MGAT4C: variants seen among roughly 807,000 people sequenced by gnomAD.
MGAT4C encodes the protein alpha-1,3-mannosyl-glycoprotein 4-beta-N-acetylglucosaminyltransferase C.
MGAT4C carries 19 observed loss-of-function variants against 40.1 expected under a neutral mutation model. The observed-to-expected ratio is 0.47, with a 90% CI of 0.33 to 0.70. MGAT4C has a LOEUF of 0.70. Ranked by LOEUF, MGAT4C falls within the 30% of genes least tolerant of loss-of-function variation. MGAT4C has a pLI of 0.02. For missense variants in MGAT4C, 491 were observed against 563.2 expected (o/e 0.87, Z 1.30); for synonymous variants, 181 against 187.1 (o/e 0.97, Z 0.27).
intron 2 of MGAT4C, among the ~76,000 whole-genome samples, chr12:86,535,647 C>A (rs549971740): frequency 6.6e-6 from 1 of 152,054 alleles, no homozygotes; most frequent in Non-Finnish European, 1.5e-5. Flanking sequence ...CCTCCTTCAA[C>A]AGGACTTTTA....
intron 1 of MGAT4C, among the ~76,000 whole-genome samples, chr12:86,184,635 T>C (rs1332889469): frequency 1.2e-5 from 1 of 83,760 alleles, no homozygotes; most frequent in Non-Finnish European, 2.9e-5. Flanking sequence ...TTCTTTTTTT[T>C]TCTCTTCCTT....
intron 1 of MGAT4C, among the ~76,000 whole-genome samples, chr12:86,774,301 TTC>T (rs759337667): frequency 0.016 from 419 of 26,306 alleles, 7 homozygotes; most frequent in South Asian, 0.033. Flanking sequence ...CTTTCTTTCT[TTC>T]TTTCTTTCTT....
chr12:86,737,943 C>A (rs900358653), intron 1 of MGAT4C, among the ~76,000 whole-genome samples: 5 of 151,464 alleles, frequency 3.3e-5, no homozygotes, highest in African/African-American at 1.2e-4. Context: ...ACTTTTTAGT[C>A]TATTTTAAAA....
chr12:86,211,406 C>CAAAAAAAAAAAAAA (rs58874795), intron 1 of MGAT4C, among the ~76,000 whole-genome samples: 8 of 35,516 alleles, frequency 2.3e-4, no homozygotes, highest in Admixed American at 4.3e-4. Context: ...ACTACAAATA[C>CAAAAAAAAAAAAAA]AAAAAAAAAA....
chr12:86,008,837 AT>A (rs1424506674), intron 2 of MGAT4C, among the ~76,000 whole-genome samples: 1 of 151,892 alleles, frequency 6.6e-6, no homozygotes, highest in Non-Finnish European at 1.5e-5. Flanking sequence ...TTTGTCAAAT[AT>A]TTTTTCTCCA....
chr12:86,623,150 G>A (rs190874979), intron 2 of MGAT4C, among the ~76,000 whole-genome samples: 2 of 152,050 alleles, frequency 1.3e-5, no homozygotes, highest in Admixed American at 6.6e-5. Context: ...TGAAGAAGGG[G>A]AAAGCAGAAA....
At chr12:86,485,864 G>A (rs1022796974) in intron 2 of MGAT4C, among the ~76,000 whole-genome samples, 1 of 152,028 alleles carries the variant, frequency 6.6e-6, no homozygotes, top group Non-Finnish European at 1.5e-5. Flanking sequence ...ATCACATCAG[G>A]ATAGCAGTGA....
chr12:86,191,085 A>G (rs1300184458), intron 1 of MGAT4C, among the ~76,000 whole-genome samples: 1 of 840 alleles, frequency 1.2e-3, no homozygotes, highest in Non-Finnish European at 2.7e-3. Context: ...CTCTCTCTGC[A>G]CACACACACA....
intron 1 of MGAT4C, among the ~76,000 whole-genome samples, chr12:86,748,530 G>A (rs1195309564): frequency 6.6e-6 from 1 of 151,692 alleles, no homozygotes; most frequent in Admixed American, 6.6e-5. Context: ...GAGGTCAAGA[G>A]CCATGTATAA....
At chr12:86,277,752 A>G (rs1274937778) in intron 4 of MGAT4C, among the ~76,000 whole-genome samples, 2 of 152,024 alleles carry the variant, frequency 1.3e-5, no homozygotes, top group Non-Finnish European at 2.9e-5. Flanking sequence ...CCATTGGTCT[A>G]TGTGTCTTTT....
At chr12:86,086,490 C>T (rs1370779691) in intron 1 of MGAT4C, among the ~76,000 whole-genome samples, 1 of 151,968 alleles carries the variant, frequency 6.6e-6, no homozygotes, top group African/African-American at 2.4e-5. Flanking sequence ...ACCTATGTAA[C>T]AAACCTGCAC....
At chr12:86,215,715 G>A (rs1014210533) in intron 1 of MGAT4C, among the ~76,000 whole-genome samples, 6 of 151,780 alleles carry the variant, frequency 4.0e-5, no homozygotes, top group Non-Finnish European at 5.9e-5. Flanking sequence ...TTCTTTCCTC[G>A]GATAAACTCT....
Position 85,979,319 on chromosome 12 carries a change from A to T in MGAT4C, c.1407T>A (p.Ile469=), listed in dbSNP as rs1267650464. 1.9e-6 allele frequency: 3 copies of T among 1,606,716 alleles called. No homozygotes were observed. The highest frequency in any genetic ancestry group is 1.7e-5 in the Admixed American group (1 of 59,426). The change falls in exon 5 of 5, where the codon ATT becomes ATA. Residue 469 remains isoleucine (I), a synonymous_variant. Coordinates refer to ENST00000611864, the MANE Select transcript of MGAT4C (RefSeq NM_001351288.2). ...AAGTCCAAATGCTAATACTCCTAAT[A>T]ATTAGCCATTCCTTTTGTGTTTTGG... is the stretch of plus-strand genomic sequence containing the variant. ...YVTKTQKEWL[I]IRSISIWTS
At chr12:86,239,086 T>C (rs1951668560) in intron 1 of MGAT4C, among the ~76,000 whole-genome samples, 1 of 151,932 alleles carries the variant, frequency 6.6e-6, no homozygotes, top group Non-Finnish European at 1.5e-5. Flanking sequence ...ATTCGGCGAG[T>C]GTTCTTGTCT....
At chr12:86,074,260 G>T (rs1328913994) in intron 1 of MGAT4C, among the ~76,000 whole-genome samples, 1 of 151,892 alleles carries the variant, frequency 6.6e-6, no homozygotes, top group African/African-American at 2.4e-5. Flanking sequence ...TCAGTTTCGG[G>T]TATGTCTTTA....
At chr12:86,590,048 C>A (rs1037027919) in intron 2 of MGAT4C, among the ~76,000 whole-genome samples, 1 of 151,890 alleles carries the variant, frequency 6.6e-6, no homozygotes, top group Non-Finnish European at 1.5e-5. Flanking sequence ...GATGGATGCA[C>A]CTCTCTCTGT....
chr12:86,254,668 AC>A (rs2136084375), intron 1 of MGAT4C, among the ~76,000 whole-genome samples: 1 of 152,120 alleles, frequency 6.6e-6, no homozygotes, highest in East Asian at 1.9e-4. Flanking sequence ...ATTATCCAAA[AC>A]TTTTAGATTT....
At chr12:86,700,178 C>CAGACAGATAGAT (rs1386887962) in intron 2 of MGAT4C, among the ~76,000 whole-genome samples, 69 of 140,762 alleles carry the variant, frequency 4.9e-4, no homozygotes, top group East Asian at 1.7e-3. Context: ...GACAGACAGA[C>CAGACAGATAGAT]AGATAGATAG....
intron 1 of MGAT4C, among the ~76,000 whole-genome samples, chr12:86,140,326 T>A (rs931230144): frequency 6.6e-4 from 101 of 152,320 alleles, no homozygotes; most frequent in Non-Finnish European, 1.4e-3. Context: ...TGGTTTAAAA[T>A]GTGCCCCTAT....
Sources: allele counts gnomAD v4.1 joint callset (sites outside exome capture counted in the v4.1 genomes callset), GRCh38; gene constraint gnomAD v4.1.1; transcripts MANE v1.5; gene names NCBI Gene and HGNC (gene_info 2026-07-23, HGNC 2026-07-21).